The following ARHGEF28 variants were observed in gnomAD, a reference collection of about 807,000 sequenced individuals.
ARHGEF28 encodes Rho guanine nucleotide exchange factor 28.
A neutral mutation model predicts 206.6 loss-of-function variants in ARHGEF28; 152 were observed. The observed-to-expected ratio is 0.74, with a 90% CI of 0.64 to 0.84. The LOEUF is 0.84. Among genes scored for constraint, ARHGEF28 ranks in the 40% least tolerant of loss-of-function variants. The probability of loss-of-function intolerance (pLI) is 0.00; values close to 1 mark genes in which losing one functional copy is unlikely to be tolerated. For missense variants in ARHGEF28, 2,028 were observed against 2,073.2 expected, an observed-to-expected ratio of 0.98 and a Z score of 0.42; for synonymous variants, 763 against 776.4, an observed-to-expected ratio of 0.98 and a Z score of 0.29.
intron 35 of ARHGEF28, among the ~76,000 whole-genome samples, chr5:73,925,290 A>T (rs942745194): frequency 2.6e-5 from 4 of 152,106 alleles, no homozygotes; most frequent in Non-Finnish European, 5.9e-5. Flanking sequence ...TGTTCCAGCC[A>T]TAGGAATTCT....
intron 2 of ARHGEF28, among the ~76,000 whole-genome samples, chr5:73,737,703 G>T (rs1220149373): frequency 6.6e-6 from 1 of 151,864 alleles, no homozygotes; most frequent in Non-Finnish European, 1.5e-5. Context: ...TTTTAGTAGA[G>T]AAGGGGTTTC....
chr5:73,839,730 G>T (rs939752237), intron 10 of ARHGEF28, among the ~76,000 whole-genome samples: 1 of 152,136 alleles, frequency 6.6e-6, no homozygotes, highest in Non-Finnish European at 1.5e-5. Context: ...TTACCTGCTG[G>T]ATTTGCTGTT....
rs1424344872 is a variant in ARHGEF28 at position 73,888,790 on chromosome 5, A to G, written c.3387+1111A>G. On this transcript the variant is annotated intron_variant, in intron 26 of 35. Transcript: ENST00000513042. ...GTCTCATATGACCTCCTGAGGCATTATCTGTGCTACCCATAGACAACATTT... is the reference window on the plus strand; with the variant it reads ...GTCTCATATGACCTCCTGAGGCATTGTCTGTGCTACCCATAGACAACATTT... Among the ~76,000 whole-genome samples, 6 of 152,152 alleles carry G rather than the reference A, an allele frequency of 3.9e-5. No individual in the cohort carries two copies. In the East Asian group the frequency reaches 1.2e-3, roughly 29 times the overall value.
At chr5:73,918,115 G>A (rs1763313676) in intron 35 of ARHGEF28, among the ~76,000 whole-genome samples, 1 of 152,148 alleles carries the variant, frequency 6.6e-6, no homozygotes, top group Non-Finnish European at 1.5e-5. Context: ...GGAATGTTCG[G>A]CTGAGTACCA....
intron 2 of ARHGEF28, among the ~76,000 whole-genome samples, chr5:73,692,836 TC>T: frequency 6.6e-6 from 1 of 152,284 alleles, no homozygotes; most frequent in Middle Eastern, 3.4e-3. Flanking sequence ...TTCTTCCGGA[TC>T]CCTGCAGATT....
chr5:73,910,404 AAAG>A (rs1349975751), intron 34 of ARHGEF28, among the ~76,000 whole-genome samples: 1 of 150,626 alleles, frequency 6.6e-6, no homozygotes, highest in Non-Finnish European at 1.5e-5. Flanking sequence ...AAAAAAAAAA[AAAG>A]GACAATGTGA....
intron 2 of ARHGEF28, among the ~76,000 whole-genome samples, chr5:73,709,416 A>G (rs1202946270): frequency 1.3e-5 from 2 of 152,192 alleles, no homozygotes; most frequent in African/African-American, 4.8e-5. Flanking sequence ...TGCCTTTTCT[A>G]GAATGTAATA....
At chr5:73,847,874 G>A (rs572730491) in intron 12 of ARHGEF28, among the ~76,000 whole-genome samples, 9 of 152,148 alleles carry the variant, frequency 5.9e-5, no homozygotes, top group Non-Finnish European at 1.3e-4. Context: ...GTCTAGGCCC[G>A]GTAGGTGCTC....
intron 3 of ARHGEF28, among the ~76,000 whole-genome samples, chr5:73,751,689 T>C (rs1561378429): frequency 6.6e-6 from 1 of 152,138 alleles, no homozygotes; most frequent in Admixed American, 6.5e-5. Context: ...ATATAATCTT[T>C]TGTTTATATT....
At chr5:73,855,151 G>T (rs1297570136) in intron 14 of ARHGEF28, among the ~76,000 whole-genome samples, 2 of 152,024 alleles carry the variant, frequency 1.3e-5, no homozygotes, top group African/African-American at 2.4e-5. Context: ...TTATTTGAAG[G>T]TTTTCTCTTC....
At chr5:73,638,543 T>A (rs1263084442) in intron 1 of ARHGEF28, among the ~76,000 whole-genome samples, 1 of 152,234 alleles carries the variant, frequency 6.6e-6, no homozygotes, top group African/African-American at 2.4e-5. Flanking sequence ...GACCACAGCT[T>A]AAGCCAAAAC....
At chr5:73,919,629 T>G (rs1763406519) in intron 35 of ARHGEF28, among the ~76,000 whole-genome samples, 1 of 152,212 alleles carries the variant, frequency 6.6e-6, no homozygotes, top group Admixed American at 6.5e-5. Context: ...TAATTGTACT[T>G]TGGTTTCTGG....
At chr5:73,667,035 T>C (rs927233928) in intron 1 of ARHGEF28, among the ~76,000 whole-genome samples, 1 of 149,604 alleles carries the variant, frequency 6.7e-6, no homozygotes, top group Admixed American at 6.7e-5. Flanking sequence ...CACTCCGTGG[T>C]TGGTGGTCTC....
In ARHGEF28 at chr5:73,753,019, A is replaced by G. The variant is rs1387813139; in HGVS notation, c.292A>G (p.Arg98Gly). 1 of 1,611,338 alleles carries G rather than the reference A, an allele frequency of 6.2e-7. No homozygotes were observed. Among genetic ancestry groups the G allele is most frequent in the Non-Finnish European group, 8.5e-7 (1 of 1,178,834 alleles). The change falls in exon 4 of 36, where the codon AGG becomes GGG. Residue 98 changes from arginine to glycine, a missense_variant. Around this residue, in one of 3 missense-constraint regions of ARHGEF28, gnomAD observed 1,002 missense variants for 1,015.3 expected, o/e 0.99. Transcript: ENST00000513042. Reference protein sequence around the residue: ...SVTYVDNMACRLARLLVTQAN... With the variant: ...SVTYVDNMACGLARLLVTQAN... ...GACCTACGTGGACAACATGGCTTGC[A>G]GGCTGGCTCGTCTGCTGGTGACGCA... is the stretch of plus-strand genomic sequence containing the variant.
rs140296477 is a variant in ARHGEF28, at chr5:73,658,708, A to G, written c.-11-26133A>G. On this transcript the variant is annotated intron_variant, in intron 1 of 35. Coordinates refer to ENST00000513042, the MANE Select transcript of ARHGEF28 (RefSeq NM_001177693.2). ...TTAGGTGTAACTGAATTGGCAGAAC[A>G]TAACCTGGTGTGAGCTCATGACAGA... Among the ~76,000 whole-genome samples, 1,056 of 152,288 alleles carry G rather than the reference A, an allele frequency of 6.9e-3. 11 individuals carry two copies. Among genetic ancestry groups the G allele is most frequent in the African/African-American group, 0.024 (1,006 of 41,546 alleles).
At chr5:73,723,293 A>G (rs1750072573) in intron 2 of ARHGEF28, among the ~76,000 whole-genome samples, 1 of 152,182 alleles carries the variant, frequency 6.6e-6, no homozygotes, top group South Asian at 2.1e-4. Flanking sequence ...GGTTCAAGCA[A>G]TGCTCCTGCC....
At chr5:73,869,225 A>C (rs10473962) in intron 20 of ARHGEF28, among the ~76,000 whole-genome samples, 13 of 126,146 alleles carry the variant, frequency 1.0e-4, no homozygotes, top group South Asian at 2.8e-4. Flanking sequence ...TGTGGGGTGG[A>C]GGGGGGTGGG....
At position 73,909,616 on chromosome 5, in the gene ARHGEF28, C is replaced by T. The variant is rs1364305361; in HGVS notation, c.4366C>T (p.Arg1456Cys). Reference sequence around the variant, plus strand: ...CCAGCAGGAGCAGCGGCGCTGGCTGCGCAGGTGTGAGCAGCAGCAGCGGGC... The same window carrying T: ...CCAGCAGGAGCAGCGGCGCTGGCTGTGCAGGTGTGAGCAGCAGCAGCGGGC... ...QLQQEQRRWLRRCEQQQRAQA... is the reference protein window; with the variant it reads ...QLQQEQRRWLCRCEQQQRAQA... The change falls in exon 34 of 36, where the codon CGC (arginine) becomes TGC (cysteine). Residue 1456 changes from arginine to cysteine, a missense_variant. Arg to Cys is a radical substitution (Grantham distance 180, BLOSUM62 -3). Coordinates refer to ENST00000513042, the MANE Select transcript of ARHGEF28 (RefSeq NM_001177693.2). 2 of 1,552,302 alleles carry T rather than the reference C, an allele frequency of 1.3e-6. No individual in the cohort carries two copies. Among genetic ancestry groups the T allele is most frequent in the South Asian group, 1.2e-5 (1 of 84,326 alleles).
chr5:73,812,036 T>C (rs1028889236), intron 9 of ARHGEF28, among the ~76,000 whole-genome samples: 1 of 151,988 alleles, frequency 6.6e-6, no homozygotes, highest in African/African-American at 2.4e-5. Context: ...TTCTTTCCAC[T>C]TAGTTGCAAT....
Sources: gnomAD v4.1 joint callset for allele counts (sites outside exome capture counted in the v4.1 genomes callset) on GRCh38, gnomAD v4.1.1 for gene constraint, gnomAD v4.1.1 regional missense constraint, MANE v1.5 for transcripts, NCBI Gene and HGNC (gene_info 2026-07-23, HGNC 2026-07-21) for gene names.